The following COPS2 variants were observed in gnomAD, a reference collection of about 807,000 sequenced individuals.
COPS2 encodes the protein COP9 signalosome subunit 2.
COPS2 carries 10 observed loss-of-function variants against 66.1 expected under a neutral mutation model. The ratio of observed to expected loss-of-function variants is 0.15; its 90% CI spans 0.09 to 0.26. COPS2 has a LOEUF of 0.26. Among genes scored for constraint, COPS2 ranks in the 10% least tolerant of loss-of-function variants. The probability of loss-of-function intolerance (pLI) is 1.00; values close to 1 mark genes in which losing one functional copy is unlikely to be tolerated. For missense variants in COPS2, 215 were observed against 513.3 expected (o/e 0.42, Z 5.62); for synonymous variants, 179 against 171.3 (o/e 1.04, Z -0.35).
chr15:49,151,516 T>C (rs1412574840), intron 1 of COPS2, among the ~76,000 whole-genome samples: 1 of 152,204 alleles, frequency 6.6e-6, no homozygotes, highest in Non-Finnish European at 1.5e-5. Context: ...AAAAAGATTA[T>C]TAGAAGTTTC....
At position 49,123,295 on chromosome 15, in the gene COPS2, AC is replaced by A. The variant is rs1396803904; in HGVS notation, c.*4654del. On this transcript the variant is annotated 3_prime_UTR_variant, in exon 13 of 13. Transcript: ENST00000388901. ...CATAAAATGGATGTACAATAAAACA[AC>A]CTTTAGCAATTAATTTTAAAATGCC... 2 of 152,156 alleles carry A rather than the reference AC, an allele frequency of 1.3e-5. No individual in the cohort carries two copies. The highest frequency in any genetic ancestry group is 4.8e-5 in the African/African-American group (2 of 41,446). 9.4% of individuals were successfully genotyped at this position (152,156 alleles called of 1,614,324 possible).
chr15:49,129,104 G>A (rs1239523046), intron 11 of COPS2, among the ~76,000 whole-genome samples: 2 of 152,032 alleles, frequency 1.3e-5, no homozygotes, highest in Non-Finnish European at 2.9e-5. Context: ...TTGTTACAAT[G>A]TTAAGGCTCT....
chr15:49,127,153 G>A lies in COPS2; in HGVS notation c.*797C>T, dbSNP rs1020555284. ...AAGCATCACTGTCATAACTATGCAC[G>A]TGTTTTGTTAGAAAGTAGTTCTCCT... On this transcript the variant is annotated 3_prime_UTR_variant, in exon 13 of 13. Coordinates refer to ENST00000388901, the MANE Select transcript of COPS2 (RefSeq NM_004236.4). The A allele has an allele frequency of 1.3e-5, 2 of 152,082 alleles. No individual in the cohort carries two copies. Among genetic ancestry groups the A allele is most frequent in the African/African-American group, 4.8e-5 (2 of 41,408 alleles). 9.4% of individuals were successfully genotyped at this position (152,082 alleles called of 1,614,324 possible).
intron 1 of COPS2, among the ~76,000 whole-genome samples, chr15:49,147,800 ATTCTTTTGGTTT>A (rs2084331782): frequency 6.6e-6 from 1 of 151,780 alleles, no homozygotes; most frequent in Non-Finnish European, 1.5e-5. Flanking sequence ...TTGTGACTAC[ATTCTTTTGGTTT>A]TTCATATCAT....
At chr15:49,146,150 A>T (rs925533708) in intron 1 of COPS2, among the ~76,000 whole-genome samples, 3 of 152,282 alleles carry the variant, frequency 2.0e-5, no homozygotes, top group African/African-American at 7.2e-5. Context: ...AAATACATTA[A>T]CACAAGATGA....
chr15:49,150,245 C>T (rs2084349087), intron 1 of COPS2, among the ~76,000 whole-genome samples: 1 of 105,720 alleles, frequency 9.5e-6, no homozygotes, highest in Non-Finnish European at 1.9e-5. Flanking sequence ...AAGACTCTAT[C>T]TCAAAAAAAA....
intron 9 of COPS2, among the ~76,000 whole-genome samples, chr15:49,132,240 G>A (rs1329790828): frequency 2.6e-5 from 4 of 151,736 alleles, no homozygotes; most frequent in East Asian, 1.9e-4. Flanking sequence ...ATAATGAAAA[G>A]CAACCTAATT....
chr15:49,145,089 A>C lies in COPS2; in HGVS notation c.55-11T>G. The C allele has an allele frequency of 7.3e-7, 1 of 1,371,556 alleles. No homozygotes were observed. Among genetic ancestry groups the C allele is most frequent in the Non-Finnish European group, 1.0e-6 (1 of 997,906 alleles). 85.0% of individuals were successfully genotyped at this position (1,371,556 alleles called of 1,614,324 possible). The stretch of plus-strand genomic sequence containing the variant: ...ATCTTCAGAGTATTCCTGTGTTGGA[A>C]AGAAAGAAATATTAAAAGAAAAAAA... On this transcript the variant is annotated splice_polypyrimidine_tract_variant and intron_variant, in intron 1 of 12. Coordinates refer to ENST00000388901, the MANE Select transcript of COPS2 (RefSeq NM_004236.4).
intron 3 of COPS2, among the ~76,000 whole-genome samples, chr15:49,139,916 C>T (rs2084279921): frequency 6.6e-6 from 1 of 152,154 alleles, no homozygotes; most frequent in South Asian, 2.1e-4. Context: ...CAGAAATTGT[C>T]ATTGCACAAC....
intron 12 of COPS2, 60 bp downstream of exon 12, chr15:49,128,642 A>T (rs1241929241): frequency 3.4e-6 from 4 of 1,173,240 alleles, no homozygotes; most frequent in Non-Finnish European, 3.7e-6. Flanking sequence ...TACCTTTGTC[A>T]CTATTATTCA....
At chr15:49,146,222 G>C (rs1304041535) in intron 1 of COPS2, among the ~76,000 whole-genome samples, 1 of 152,032 alleles carries the variant, frequency 6.6e-6, no homozygotes, top group East Asian at 1.9e-4. Flanking sequence ...TTCCTTCCTC[G>C]TGTGAAGACC....
intron 6 of COPS2, 136 bp from the exon 7 acceptor site, chr15:49,134,650 G>T: frequency 1.5e-6 from 1 of 663,402 alleles, no homozygotes; most frequent in Non-Finnish European, 2.4e-6. Context: ...GGGAGCTACA[G>T]TACTAAGAAT....
intron 9 of COPS2, among the ~76,000 whole-genome samples, chr15:49,131,348 A>T (rs962680753): frequency 2.0e-5 from 3 of 151,736 alleles, no homozygotes; most frequent in Non-Finnish European, 4.4e-5. Flanking sequence ...AAATTTTCAA[A>T]AGGAACATTT....
In COPS2 at chr15:49,127,374, G is replaced by C. The variant is rs1242693191; in HGVS notation, c.*576C>G. 6.6e-6 allele frequency: 1 copy of C among 152,582 alleles called. No individual in the cohort carries two copies. The highest frequency in any genetic ancestry group is 1.5e-5 in the Non-Finnish European group (1 of 68,026). 9.5% of individuals were successfully genotyped at this position (152,582 alleles called of 1,614,324 possible). On this transcript the variant is annotated 3_prime_UTR_variant, in exon 13 of 13. Transcript: ENST00000388901. ...ATTTCTGAGCTGCACTGTTTATTTTGCTGCTTGAAACCTAAGTGACAGTAT... is the reference window on the plus strand; with the variant it reads ...ATTTCTGAGCTGCACTGTTTATTTTCCTGCTTGAAACCTAAGTGACAGTAT...
At chr15:49,143,602 G>A (rs2084302305) in intron 3 of COPS2, among the ~76,000 whole-genome samples, 1 of 152,168 alleles carries the variant, frequency 6.6e-6, no homozygotes, top group Non-Finnish European at 1.5e-5. Flanking sequence ...TTTGGCCCTA[G>A]TCAATGGAAG....
At chr15:49,133,267 C>T (rs1027255175) in intron 9 of COPS2, among the ~76,000 whole-genome samples, 1 of 152,172 alleles carries the variant, frequency 6.6e-6, no homozygotes, top group African/African-American at 2.4e-5. Context: ...GGATGACAGG[C>T]GTGAGCCACC....
At chr15:49,145,139 G>A (rs1325045011) in intron 1 of COPS2, 61 bp from the exon 2 acceptor site, 11 of 851,314 alleles carry the variant, frequency 1.3e-5, no homozygotes, top group African/African-American at 5.3e-5. Flanking sequence ...ACGTAGCAAC[G>A]TAAAAAGTGA....
chr15:49,137,413 C>T lies in COPS2; in HGVS notation c.397G>A (p.Glu133Lys). The change falls in exon 5 of 13, where the codon GAA (glutamate) becomes AAA (lysine). Residue 133 changes from glutamate (E) to lysine (K), a missense_variant. Around this residue, in one of 5 missense-constraint regions of COPS2, gnomAD observed 90 missense variants for 225.1 expected, o/e 0.40. Transcript: ENST00000388901. ...TCTTTCAAAGCTTCCAGTGTTGTTT[C>T]ATAGAATTCCTGCAGTAAATCCATC... ...KQMDLLQEFY[E>K]TTLEALKDAK... 1 of 1,612,482 alleles carries T rather than the reference C, an allele frequency of 6.2e-7. No individual in the cohort carries two copies. The highest frequency in any genetic ancestry group is 8.5e-7 in the Non-Finnish European group (1 of 1,179,116).
At chr15:49,135,525 G>C (rs1323680291) in intron 6 of COPS2, among the ~76,000 whole-genome samples, 1 of 152,108 alleles carries the variant, frequency 6.6e-6, no homozygotes, top group Admixed American at 6.6e-5. Flanking sequence ...AATGAAATAG[G>C]GACTAACCTT....
Sources: gnomAD v4.1 joint callset for allele counts (sites outside exome capture counted in the v4.1 genomes callset) on GRCh38, gnomAD v4.1.1 for gene constraint, gnomAD v4.1.1 regional missense constraint, MANE v1.5 for transcripts, NCBI Gene and HGNC (gene_info 2026-07-23, HGNC 2026-07-21) for gene names.